Variants in ADAM17 observed in about 807,000 individuals in gnomAD.
The protein encoded by ADAM17 is disintegrin and metalloproteinase domain-containing protein 17.
A neutral mutation model predicts 96.7 loss-of-function variants in ADAM17; 39 were observed. The ratio of observed to expected loss-of-function variants is 0.40; its 90% CI spans 0.31 to 0.53. ADAM17 has a LOEUF of 0.53. ADAM17 is among the 20% of genes least tolerant of loss of function. The pLI is 0.44. For synonymous variants in ADAM17, 344 were observed against 359.2 expected, an observed-to-expected ratio of 0.96 and a Z score of 0.48; for missense variants, 777 against 1,013.2, an observed-to-expected ratio of 0.77 and a Z score of 3.17.
chr2:9,495,075 G>A (rs559960450), intron 14 of ADAM17, among the ~76,000 whole-genome samples: 18 of 152,264 alleles, frequency 1.2e-4, no homozygotes, highest in Admixed American at 1.0e-3. Flanking sequence ...TCTTCTAAAT[G>A]CTTCCCTTTG....
At chr2:9,544,966 T>C (rs1478392346) in intron 1 of ADAM17, among the ~76,000 whole-genome samples, 2 of 152,234 alleles carry the variant, frequency 1.3e-5, no homozygotes, top group Non-Finnish European at 2.9e-5. Context: ...AAATGCAATA[T>C]GGTCCTTTAG....
Position 9,537,934 on chromosome 2 carries a change from G to A in ADAM17, c.231-1106C>T, listed in dbSNP as rs1405986502. Among the ~76,000 whole-genome samples, 6 of 28,484 alleles carry A rather than the reference G, an allele frequency of 2.1e-4. No homozygotes were observed. The East Asian group carries it at 5.3e-3, about 25-fold the overall frequency. 18.7% of individuals were successfully genotyped at this position (28,484 alleles called of 152,430 possible). A position where few individuals can be genotyped will look rare whatever the true frequency, so the allele number is the denominator to read the frequency against. Reference sequence around the variant, plus strand: ...GGGGGAGGAGAGGGGAGGAGAGGGGGAGGAGAGGGGAAGGGGAGGGGGAAG... The same window carrying A: ...GGGGGAGGAGAGGGGAGGAGAGGGGAAGGAGAGGGGAAGGGGAGGGGGAAG... On this transcript the variant is annotated intron_variant, in intron 2 of 18. Transcript: ENST00000310823.
rs573153663 is a variant in ADAM17, at chr2:9,493,574, ACTAT to A, written c.1993+169_1993+172del. On this transcript the variant is annotated intron_variant, in intron 16 of 18. Coordinates refer to ENST00000310823, the MANE Select transcript of ADAM17 (RefSeq NM_003183.6). ...GTGCATCCAAGCTCCACGGGGACAG[ACTAT>A]CTATGAGTTCATTTTATTCTAGCCA... 1.8e-4 allele frequency among the ~76,000 whole-genome samples: 27 copies of A among 152,346 alleles called. 1 individual carries two copies. Among genetic ancestry groups the A allele is most frequent in the South Asian group, 4.1e-4 (2 of 4,830 alleles).
chr2:9,520,980 AAAAAAAGG>A lies in ADAM17; in HGVS notation c.957+215_957+222del, dbSNP rs1386456981. Among the ~76,000 whole-genome samples, 10 of 147,400 alleles carry A rather than the reference AAAAAAAGG, an allele frequency of 6.8e-5. 1 individual carries two copies. Among genetic ancestry groups the A allele is most frequent in the South Asian group, 2.1e-4 (1 of 4,672 alleles). On this transcript the variant is annotated intron_variant, in intron 8 of 18. Transcript: ENST00000310823. Reference sequence around the variant, plus strand: ...ACTCTGTCTCAAAAAAAAAAAAAAAAAAAAAAGGAAGCATTGCTTTATAGCGTTTTTCT... The same window carrying A: ...ACTCTGTCTCAAAAAAAAAAAAAAAAAAGCATTGCTTTATAGCGTTTTTCT...
intron 10 of ADAM17, among the ~76,000 whole-genome samples, chr2:9,514,956 C>G (rs1663985551): frequency 6.6e-6 from 1 of 152,174 alleles, no homozygotes; most frequent in Admixed American, 6.5e-5. Context: ...ACACTACAGC[C>G]TCTAACTCTT....
intron 11 of ADAM17, among the ~76,000 whole-genome samples, chr2:9,508,392 T>C (rs2125004968): frequency 6.6e-6 from 1 of 152,338 alleles, no homozygotes; most frequent in South Asian, 2.1e-4. Context: ...GCTCCCACAC[T>C]GCTGTTTTTG....
chr2:9,554,989 T>G (rs1218375683), intron 1 of ADAM17, among the ~76,000 whole-genome samples: 1 of 151,992 alleles, frequency 6.6e-6, no homozygotes, highest in Non-Finnish European at 1.5e-5. Flanking sequence ...AAAACACAAC[T>G]CTTAAGACTC....
intron 5 of ADAM17, among the ~76,000 whole-genome samples, chr2:9,527,221 C>G (rs1664564237): frequency 6.6e-6 from 1 of 152,084 alleles, no homozygotes; most frequent in African/African-American, 2.4e-5. Flanking sequence ...ACTCAGGAGT[C>G]TGAGGCAGGA....
At chr2:9,546,770 C>T (rs948764271) in intron 1 of ADAM17, among the ~76,000 whole-genome samples, 6 of 142,008 alleles carry the variant, frequency 4.2e-5, no homozygotes, top group African/African-American at 1.6e-4. Flanking sequence ...AATGCAGTGG[C>T]GTGATCTCAG....
chr2:9,526,371 G>A (rs1255215583), intron 5 of ADAM17, 127 bp from the exon 6 acceptor site: 6 of 930,772 alleles, frequency 6.4e-6, no homozygotes, highest in East Asian at 5.5e-5. Context: ...AAAGGATTCT[G>A]AACAACAACA....
intron 8 of ADAM17, among the ~76,000 whole-genome samples, chr2:9,520,891 G>C (rs1004723921): frequency 2.0e-5 from 3 of 146,674 alleles, no homozygotes; most frequent in Non-Finnish European, 3.0e-5. Flanking sequence ...TTGAACCTGG[G>C]AGATGGAGGT....
chr2:9,542,439 A>G (rs1665244383), intron 2 of ADAM17, among the ~76,000 whole-genome samples: 1 of 152,172 alleles, frequency 6.6e-6, no homozygotes, highest in Admixed American at 6.5e-5. Context: ...TAGCTAAATA[A>G]ATAAATAGAA....
chr2:9,523,388 C>T, intron 6 of ADAM17, 50 bp from the exon 7 acceptor site: 1 of 1,402,040 alleles, frequency 7.1e-7, no homozygotes, highest in South Asian at 1.2e-5. Flanking sequence ...CTTTACCTCT[C>T]CTGGCAATGC....
At chr2:9,500,989 TACAC>T (rs949000469) in intron 13 of ADAM17, among the ~76,000 whole-genome samples, 1 of 152,148 alleles carries the variant, frequency 6.6e-6, no homozygotes, top group Non-Finnish European at 1.5e-5. Flanking sequence ...GTTTAAAAAA[TACAC>T]ACACACAACA....
At chr2:9,535,172 A>C (rs895557779) in intron 4 of ADAM17, among the ~76,000 whole-genome samples, 3 of 152,200 alleles carry the variant, frequency 2.0e-5, no homozygotes, top group Non-Finnish European at 2.9e-5. Flanking sequence ...TTTCATTTTG[A>C]CCAATCTTAC....
rs577465763 is a variant in ADAM17 at position 9,488,599 on chromosome 2, A to G, written c.*1578T>C. Reference sequence around the variant, plus strand: ...AAGACTATGTTTTTAAAAAGTCACAATTTTATAAAAATGGTTTTTCTTACA... The same window carrying G: ...AAGACTATGTTTTTAAAAAGTCACAGTTTTATAAAAATGGTTTTTCTTACA... On this transcript the variant is annotated 3_prime_UTR_variant, in exon 19 of 19. Transcript: ENST00000310823. 3.6e-5 allele frequency: 10 copies of G among 276,656 alleles called. No individual in the cohort carries two copies. The South Asian group carries it at 1.3e-3, about 37-fold the overall frequency. The allele number at this position is 276,656 out of a possible 1,614,324, so 17.1% of individuals were successfully genotyped here.
rs530603203 is a variant in ADAM17, at chr2:9,493,695, C to T, written c.1993+52G>A. 4 of 1,488,180 alleles carry T rather than the reference C, an allele frequency of 2.7e-6. No individual in the cohort carries two copies. In the South Asian group the frequency reaches 4.6e-5, roughly 17 times the overall value. The allele number at this position is 1,488,180 out of a possible 1,614,324, so 92.2% of individuals were successfully genotyped here. A position where few individuals can be genotyped will look rare whatever the true frequency, so the allele number is the denominator to read the frequency against. On this transcript the variant is annotated intron_variant, in intron 16 of 18. Coordinates refer to ENST00000310823, the MANE Select transcript of ADAM17 (RefSeq NM_003183.6). ...CTCTGAAAGCACACTTTTCTAATGT[C>T]ATCACAGAAATTGACTCAGCTCTCA...
intron 1 of ADAM17, among the ~76,000 whole-genome samples, chr2:9,549,869 C>T (rs1665529277): frequency 6.6e-6 from 1 of 152,072 alleles, no homozygotes. Context: ...ATTGCATTTT[C>T]CTAAAATACT....
chr2:9,533,287 G>T (rs1167007598), intron 4 of ADAM17, among the ~76,000 whole-genome samples: 1 of 152,070 alleles, frequency 6.6e-6, no homozygotes, highest in Non-Finnish European at 1.5e-5. Context: ...AGTGGCTCAC[G>T]CCTTTAATCT....
Sources: gnomAD v4.1 joint callset for allele counts (sites outside exome capture counted in the v4.1 genomes callset) on GRCh38, gnomAD v4.1.1 for gene constraint, MANE v1.5 for transcripts, NCBI Gene and HGNC (gene_info 2026-07-23, HGNC 2026-07-21) for gene names.